The following ZEB2 variants were observed in gnomAD, a reference collection of about 807,000 sequenced individuals.
ZEB2 encodes the protein zinc finger E-box binding homeobox 2.
ZEB2 carries 6 observed loss-of-function variants against 99.9 expected under a neutral mutation model. The ratio of observed to expected loss-of-function variants is 0.06; its 90% CI spans 0.03 to 0.12. ZEB2 has a LOEUF of 0.12. Ranked by LOEUF, ZEB2 falls within the 10% of genes least tolerant of loss-of-function variation. The probability of loss-of-function intolerance (pLI) is 1.00; values close to 1 mark genes in which losing one functional copy is unlikely to be tolerated. For synonymous variants in ZEB2, 517 were observed against 542.5 expected (o/e 0.95, Z 0.65); for missense variants, 969 against 1,502.8 (o/e 0.64, Z 5.87).
intron 2 of ZEB2, chr2:144,463,749 T>A (rs1704229387): frequency 6.6e-6 from 1 of 151,494 alleles, no homozygotes; most frequent in African/African-American, 2.4e-5. Context: ...AGGAGGATGG[T>A]TTGAGCCTGT....
At chr2:144,481,420 T>A (rs1272094573) in intron 2 of ZEB2, among the ~76,000 whole-genome samples, 1 of 152,206 alleles carries the variant, frequency 6.6e-6, no homozygotes, top group African/African-American at 2.4e-5. Context: ...TATAGCAACA[T>A]GGAAATTGTA....
chr2:144,401,650 C>T (rs1320020779), intron 6 of ZEB2, among the ~76,000 whole-genome samples: 1 of 152,102 alleles, frequency 6.6e-6, no homozygotes, highest in Non-Finnish European at 1.5e-5. Context: ...AAAATATGAA[C>T]ATTCTCTGCT....
At chr2:144,457,763 A>C (rs1704140301) in intron 2 of ZEB2, among the ~76,000 whole-genome samples, 1 of 152,164 alleles carries the variant, frequency 6.6e-6, no homozygotes, top group African/African-American at 2.4e-5. Flanking sequence ...TTTACATGCC[A>C]ATCTCCCCCC....
chr2:144,484,185 T>TTTTGTGTGTGTGTGTGTGTGTGTGTG (rs1553968451), intron 2 of ZEB2, among the ~76,000 whole-genome samples: 2 of 142,416 alleles, frequency 1.4e-5, no homozygotes, highest in Non-Finnish European at 3.1e-5. Context: ...AAATCTGGAT[T>TTTTGTGTGTGTGTGTGTGTGTGTGTG]TGTGTGTGTG....
Position 144,399,597 on chromosome 2 carries a change from C to T in ZEB2, c.1590G>A (p.Leu530=). The change falls in exon 8 of 10, where the codon TTG becomes TTA. Residue 530 remains leucine, a synonymous_variant. Transcript: ENST00000627532. This position sits in a 1 kb window ranked among gnomAD's most constrained non-coding sequence, Gnocchi z 5.6. ...AAGCTTTGGCTTCATTGACTTTTTC[C>T]AACGTATAGTCAATAATACTTTTAG... ...GATKSIIDYT[L]EKVNEAKACL... is the part of the protein sequence containing the mutation. The T allele has an allele frequency of 1.2e-6, 2 of 1,614,158 alleles. No individual in the cohort carries two copies. Among genetic ancestry groups the T allele is most frequent in the Non-Finnish European group, 1.7e-6 (2 of 1,180,020 alleles).
rs1703077413 is a variant in ZEB2, at chr2:144,385,960, A to G, written c.*3491T>C. ...GTCCAATTCATGCTAAGGAAGATGTATGTTTTGTTTAGCTCTTGCGGAGAA... is the reference window on the plus strand; with the variant it reads ...GTCCAATTCATGCTAAGGAAGATGTGTGTTTTGTTTAGCTCTTGCGGAGAA... On this transcript the variant is annotated 3_prime_UTR_variant, in exon 10 of 10. Coordinates refer to ENST00000627532, the MANE Select transcript of ZEB2 (RefSeq NM_014795.4). 6.6e-6 allele frequency: 1 copy of G among 152,116 alleles called. No individual in the cohort carries two copies. The highest frequency in any genetic ancestry group is 1.5e-5 in the Non-Finnish European group (1 of 68,014). 9.4% of individuals were successfully genotyped at this position (152,116 alleles called of 1,614,324 possible).
At chr2:144,481,627 A>G (rs1704512195) in intron 2 of ZEB2, among the ~76,000 whole-genome samples, 1 of 152,208 alleles carries the variant, frequency 6.6e-6, no homozygotes, top group East Asian at 1.9e-4. Flanking sequence ...TTAATTACAA[A>G]ATAGAATCTA....
intron 2 of ZEB2, among the ~76,000 whole-genome samples, chr2:144,465,162 C>G (rs1464010874): frequency 6.6e-6 from 1 of 152,190 alleles, no homozygotes; most frequent in Non-Finnish European, 1.5e-5. Context: ...ATTCTAAACT[C>G]TGTGCTATTA....
At chr2:144,486,997 T>G (rs547615497) in intron 2 of ZEB2, among the ~76,000 whole-genome samples, 1 of 152,336 alleles carries the variant, frequency 6.6e-6, no homozygotes, top group South Asian at 2.1e-4. Flanking sequence ...ACACTGTACT[T>G]AATTTGATAG....
intron 2 of ZEB2, chr2:144,516,224 C>CG (rs1159446644): frequency 7.2e-6 from 1 of 138,826 alleles, no homozygotes. Flanking sequence ...GCTCCCCCAC[C>CG]CCCCCCCGGC....
chr2:144,497,995 AT>A (rs1704801150), intron 2 of ZEB2, among the ~76,000 whole-genome samples: 1 of 2,206 alleles, frequency 4.5e-4, no homozygotes, highest in Non-Finnish European at 9.8e-4. Flanking sequence ...TATTAATATT[AT>A]ATATTATATA....
chr2:144,413,553 T>A (rs999365321), intron 4 of ZEB2, among the ~76,000 whole-genome samples: 1 of 152,202 alleles, frequency 6.6e-6, no homozygotes, highest in South Asian at 2.1e-4. Context: ...ACCTTATTTT[T>A]AAAAACTCAA....
Position 144,403,979 on chromosome 2 carries a change from G to A in ZEB2, c.744C>T (p.Tyr248=). 6.2e-7 allele frequency: 1 copy of A among 1,614,148 alleles called. No homozygotes were observed. The highest frequency in any genetic ancestry group is 8.5e-7 in the Non-Finnish European group (1 of 1,180,036). The change falls in exon 6 of 10, where the codon TAC becomes TAT. Residue 248 remains tyrosine, a synonymous_variant. Transcript: ENST00000627532. The part of the protein sequence containing the change: ...EENFSCPLCS[Y]TFAYRTQLER... ...CGAGCTGGGTGCGGTAGGCAAACGTGTAGCTACAGAGAGGGCAGGAAAAGT... is the reference window on the plus strand; with the variant it reads ...CGAGCTGGGTGCGGTAGGCAAACGTATAGCTACAGAGAGGGCAGGAAAAGT...
chr2:144,417,910 AC>A (rs1256003882), intron 4 of ZEB2, among the ~76,000 whole-genome samples: 1 of 152,220 alleles, frequency 6.6e-6, no homozygotes, highest in East Asian at 1.9e-4. Flanking sequence ...ATTAATTTAT[AC>A]ATGTATCAAA....
In ZEB2 at chr2:144,416,379, G is replaced by A. The variant is rs947054183; in HGVS notation, c.403+8417C>T. ...TCTTAAATAATAGTATAGTCTTGTT[G>A]CAGACTATGTTTTCAAAATGGGATA... is the stretch of plus-strand genomic sequence containing the variant. On this transcript the variant is annotated intron_variant, in intron 4 of 9. Transcript: ENST00000627532. Among the ~76,000 whole-genome samples, 3 of 152,240 alleles carry A rather than the reference G, an allele frequency of 2.0e-5. 1 individual carries two copies. The highest frequency in any genetic ancestry group is 2.9e-5 in the Non-Finnish European group (2 of 68,016).
rs1703260678 is a variant in ZEB2 at position 144,398,498 on chromosome 2, C to T, written c.2689G>A (p.Ala897Thr). The change falls in exon 8 of 10, where the codon GCT becomes ACT. Residue 897 changes from alanine (A) to threonine (T), a missense_variant. This residue lies in a region of ZEB2 where 346 missense variants were observed against 460.0 expected (regional missense o/e 0.75). Transcript: ENST00000627532. The stretch of plus-strand genomic sequence containing the variant: ...GGAAATGCGCTTTGAGGTGGAAGAG[C>T]TGTGTATAAAGGTTTGGCACTAAAT... ...NPFSAKPLYT[A>T]LPPQSAFPPA... 1 of 1,614,028 alleles carries T rather than the reference C, an allele frequency of 6.2e-7. No individual in the cohort carries two copies. Among genetic ancestry groups the T allele is most frequent in the Admixed American group, 1.7e-5 (1 of 60,024 alleles).
intron 2 of ZEB2, among the ~76,000 whole-genome samples, chr2:144,505,197 T>A (rs1704935905): frequency 6.6e-6 from 1 of 150,998 alleles, no homozygotes; most frequent in Non-Finnish European, 1.5e-5. Context: ...ATGTTAGCCC[T>A]AAAAGAATGC....
chr2:144,475,234 T>C (rs1384901801), intron 2 of ZEB2, among the ~76,000 whole-genome samples: 1 of 152,190 alleles, frequency 6.6e-6, no homozygotes, highest in Non-Finnish European at 1.5e-5. Context: ...AACTGTTATC[T>C]ACTTGTTATA....
At chr2:144,488,135 A>G (rs1298931003) in intron 2 of ZEB2, among the ~76,000 whole-genome samples, 2 of 152,248 alleles carry the variant, frequency 1.3e-5, no homozygotes, top group East Asian at 3.8e-4. Flanking sequence ...CTGTGTCCAC[A>G]GCATACCAAT....
Sources: allele counts gnomAD v4.1 joint callset (sites outside exome capture counted in the v4.1 genomes callset), GRCh38; gene constraint gnomAD v4.1.1; regional missense constraint gnomAD v4.1.1; non-coding constraint Gnocchi (gnomAD v3.1); transcripts MANE v1.5; gene names NCBI Gene and HGNC (gene_info 2026-07-23, HGNC 2026-07-21).